Variants in SOX5 observed in about 807,000 individuals in gnomAD.
SOX5 encodes the protein transcription factor SOX-5.
Under a neutral mutation model 92.0 loss-of-function variants are expected in SOX5, and 9 were observed. That is an observed-to-expected ratio of 0.10 (90% CI 0.06 to 0.17). The LOEUF (loss-of-function observed/expected upper bound fraction) is 0.17. SOX5 is among the 10% of genes least tolerant of loss of function. The pLI is 1.00. For missense variants in SOX5, 642 were observed against 944.5 expected (o/e 0.68, Z 4.20); for synonymous variants, 344 against 336.3 (o/e 1.02, Z -0.25).
chr12:23,762,512 T>A (rs1160806881), intron 3 of SOX5: 6 of 475,528 alleles, frequency 1.3e-5, no homozygotes, highest in Non-Finnish European at 1.5e-5. Flanking sequence ...TATGTGATTG[T>A]CCTGAAGTGA....
intron 4 of SOX5, among the ~76,000 whole-genome samples, chr12:24,036,293 C>A (rs1430259694): frequency 6.6e-6 from 1 of 152,044 alleles, no homozygotes; most frequent in Non-Finnish European, 1.5e-5. Flanking sequence ...CCTCCTGGGC[C>A]TTAGGAAGGG....
intron 6 of SOX5, among the ~76,000 whole-genome samples, chr12:23,671,571 G>C (rs2084785304): frequency 6.6e-6 from 1 of 152,136 alleles, no homozygotes; most frequent in Admixed American, 6.6e-5. Flanking sequence ...TTAGCAAAAA[G>C]AGACATGGGA....
chr12:23,868,317 A>ATCTAATTT (rs1276214043), intron 2 of SOX5, among the ~76,000 whole-genome samples: 1 of 152,088 alleles, frequency 6.6e-6, no homozygotes, highest in Non-Finnish European at 1.5e-5. Flanking sequence ...TTAATTATTT[A>ATCTAATTT]TCTAATTTTT....
At chr12:24,440,639 TGA>T (rs1488677334) in intron 1 of SOX5, among the ~76,000 whole-genome samples, 30 of 109,948 alleles carry the variant, frequency 2.7e-4, no homozygotes, top group African/African-American at 8.5e-4. Flanking sequence ...TGTGTGTGTG[TGA>T]AGAACAGAAG....
chr12:24,106,424 C>T (rs937594449), intron 4 of SOX5, among the ~76,000 whole-genome samples: 9 of 151,990 alleles, frequency 5.9e-5, no homozygotes, highest in African/African-American at 9.7e-5. Context: ...AATGAAGCAA[C>T]GGGAAACGTA....
chr12:23,961,212 T>G (rs1946892718), intron 4 of SOX5, among the ~76,000 whole-genome samples: 1 of 152,208 alleles, frequency 6.6e-6, no homozygotes, highest in Non-Finnish European at 1.5e-5. Flanking sequence ...AAATTAGAAT[T>G]TTAGTTTCTG....
At chr12:24,203,839 C>T (rs948303904) in intron 4 of SOX5, among the ~76,000 whole-genome samples, 2 of 152,162 alleles carry the variant, frequency 1.3e-5, no homozygotes, top group African/African-American at 2.4e-5. Flanking sequence ...TATCCACTTC[C>T]TTCATCTGTA....
chr12:24,228,486 CT>C lies in SOX5; in HGVS notation c.-76-15070del, dbSNP rs569520633. Among the ~76,000 whole-genome samples, 7 of 152,264 alleles carry C rather than the reference CT, an allele frequency of 4.6e-5. No individual in the cohort carries two copies. In the South Asian group the frequency reaches 1.5e-3, roughly 32 times the overall value. ...TGGCATGAAGTGAATCATTTTACATCTTTTTTTAAGCTCTATGTGTTTTTCT... is the reference window on the plus strand; with the variant it reads ...TGGCATGAAGTGAATCATTTTACATCTTTTTTAAGCTCTATGTGTTTTTCT... On this transcript the variant is annotated intron_variant, in intron 3 of 4. Transcript: ENST00000446891.
At chr12:24,126,197 C>T (rs568216501) in intron 4 of SOX5, among the ~76,000 whole-genome samples, 1 of 152,286 alleles carries the variant, frequency 6.6e-6, no homozygotes, top group East Asian at 1.9e-4. Context: ...TATCCACTCC[C>T]TTGTTTTGAA....
chr12:23,678,787 G>T (rs2086111661), intron 6 of SOX5, among the ~76,000 whole-genome samples: 1 of 152,072 alleles, frequency 6.6e-6, no homozygotes, highest in African/African-American at 2.4e-5. Flanking sequence ...AAAAGAGCTA[G>T]AATTCAAATC....
chr12:23,638,117 CCT>C (rs1283668685), intron 8 of SOX5: 1 of 152,204 alleles, frequency 6.6e-6, no homozygotes, highest in Middle Eastern at 3.4e-3. Context: ...CCTGGCCACC[CCT>C]CTCTTAACAG....
rs145358330 is a variant in SOX5 at position 24,009,879 on chromosome 12, T to C, written c.-1-113855A>G. ...TTGAAACTATAAAAACCTACTAAGA[T>C]ACAAATTTTGAAAAATTTAAGGAGG... On this transcript the variant is annotated intron_variant, in intron 4 of 4. Coordinates refer to the SOX5 transcript ENST00000446891. Among the ~76,000 whole-genome samples, 343 of 152,276 alleles carry C rather than the reference T, an allele frequency of 2.3e-3. 1 individual carries two copies. The highest frequency in any genetic ancestry group is 0.01 in the Middle Eastern group (3 of 294).
At chr12:24,053,144 T>C (rs9634098) in intron 4 of SOX5, among the ~76,000 whole-genome samples, 131,175 of 151,024 alleles carry the variant, frequency 0.87, 58,565 homozygotes, top group East Asian at 1. Context: ...ATGTTACACC[T>C]TTCCAGTAAC....
intron 2 of SOX5, among the ~76,000 whole-genome samples, chr12:23,874,120 C>G (rs2096902720): frequency 6.6e-6 from 1 of 152,048 alleles, no homozygotes; most frequent in South Asian, 2.1e-4. Flanking sequence ...TGTATAAAGC[C>G]AAATCATACC....
intron 6 of SOX5, among the ~76,000 whole-genome samples, chr12:23,681,919 T>C (rs2086690076): frequency 6.6e-6 from 1 of 151,678 alleles, no homozygotes; most frequent in Admixed American, 6.6e-5. Context: ...TCCAGTAAAA[T>C]AGCCTCACAA....
At chr12:24,106,394 C>A (rs9804944) in intron 4 of SOX5, among the ~76,000 whole-genome samples, 1 of 152,048 alleles carries the variant, frequency 6.6e-6, no homozygotes, top group Non-Finnish European at 1.5e-5. Context: ...ATATTCAAAA[C>A]TATACATGAC....
At chr12:24,404,341 C>G (rs1002495061) in intron 1 of SOX5, among the ~76,000 whole-genome samples, 2 of 152,182 alleles carry the variant, frequency 1.3e-5, no homozygotes, top group Non-Finnish European at 2.9e-5. Flanking sequence ...CCACCAAACT[C>G]AAGTTGACAC....
intron 3 of SOX5, among the ~76,000 whole-genome samples, chr12:23,798,136 C>A (rs2095598184): frequency 6.6e-6 from 1 of 151,886 alleles, no homozygotes; most frequent in Non-Finnish European, 1.5e-5. Flanking sequence ...ATATGGCAAA[C>A]TATATATTTT....
At chr12:23,788,757 C>A (rs1456667031) in intron 3 of SOX5, among the ~76,000 whole-genome samples, 1 of 151,834 alleles carries the variant, frequency 6.6e-6, no homozygotes, top group African/African-American at 2.4e-5. Context: ...GTTGAATAAA[C>A]TGATGAAATA....
Sources: allele counts gnomAD v4.1 joint callset (sites outside exome capture counted in the v4.1 genomes callset), GRCh38; gene constraint gnomAD v4.1.1; transcripts MANE v1.5; gene names NCBI Gene and HGNC (gene_info 2026-07-23, HGNC 2026-07-21).